PTH2R: variants seen among roughly 807,000 people sequenced by gnomAD.
The protein encoded by PTH2R is PTH2 receptor.
A neutral mutation model predicts 60.3 loss-of-function variants in PTH2R; 59 were observed. The observed-to-expected ratio is 0.98, with a 90% CI of 0.79 to 1.22. PTH2R has a LOEUF of 1.22. Among genes scored for constraint, PTH2R ranks in the 50% most tolerant of loss-of-function variants. PTH2R has a pLI of 0.00. For missense variants in PTH2R, 749 were observed against 682.6 expected, an observed-to-expected ratio of 1.10 and a Z score of -1.08; for synonymous variants, 256 against 243.8, an observed-to-expected ratio of 1.05 and a Z score of -0.47.
At position 208,448,133 on chromosome 2, in the gene PTH2R, A is replaced by T. The variant is rs150775864; in HGVS notation, c.854-2616A>T. ...AATCAGGAAACAGTCCCACACTCCC[A>T]TTTTATTCCCTTTGTAAAATATCTT... On this transcript the variant is annotated intron_variant, in intron 7 of 12. Transcript: ENST00000272847. Among the ~76,000 whole-genome samples, 240 of 152,182 alleles carry T rather than the reference A, an allele frequency of 1.6e-3. 1 individual carries two copies. Among genetic ancestry groups the T allele is most frequent in the African/African-American group, 5.4e-3 (223 of 41,508 alleles).
At chr2:208,371,119 G>A (rs1214147028) in intron 1 of PTH2R, among the ~76,000 whole-genome samples, 1 of 152,040 alleles carries the variant, frequency 6.6e-6, no homozygotes, top group Admixed American at 6.6e-5. Flanking sequence ...ACACTTCCCA[G>A]TAGGCCCCAC....
chr2:208,453,394 A>G (rs1702447203), intron 8 of PTH2R, among the ~76,000 whole-genome samples: 1 of 152,166 alleles, frequency 6.6e-6, no homozygotes, highest in Admixed American at 6.5e-5. Context: ...TTTGAAATCT[A>G]CTATTCTACC....
chr2:208,363,006 T>C (rs535917087), intron 1 of PTH2R, among the ~76,000 whole-genome samples: 3 of 152,152 alleles, frequency 2.0e-5, no homozygotes, highest in Admixed American at 6.5e-5. Context: ...TCTATTCAAG[T>C]CTTTTGTCTA....
intron 2 of PTH2R, among the ~76,000 whole-genome samples, chr2:208,431,304 CTCT>C (rs1701966856): frequency 6.6e-6 from 1 of 152,088 alleles, no homozygotes; most frequent in Admixed American, 6.6e-5. Context: ...TCTTTCAAAT[CTCT>C]TCTTTTTTTC....
chr2:208,451,142 C>G (rs1344795429), intron 8 of PTH2R, among the ~76,000 whole-genome samples: 1 of 152,140 alleles, frequency 6.6e-6, no homozygotes, highest in Non-Finnish European at 1.5e-5. Context: ...AAGAACTACA[C>G]TACCTGATTC....
intron 1 of PTH2R, among the ~76,000 whole-genome samples, chr2:208,363,144 C>T (rs1262972555): frequency 2.0e-5 from 3 of 151,968 alleles, no homozygotes; most frequent in Non-Finnish European, 4.4e-5. Flanking sequence ...GAGCATAGTA[C>T]CTGATAGGTA....
In PTH2R at chr2:208,437,819, A is replaced by G; in HGVS notation, c.349A>G (p.Lys117Glu). 6.2e-7 allele frequency: 1 copy of G among 1,613,920 alleles called. No individual in the cohort carries two copies. Among genetic ancestry groups the G allele is most frequent in the Non-Finnish European group, 8.5e-7 (1 of 1,179,800 alleles). ...GTWDFMHSLN[K>E]TWANYSDCLR... is the part of the protein sequence containing the mutation. ...ATGGGATTTTATGCACAGCTTAAAT[A>G]AAACATGGGCCAATTATTCAGACTG... Residue 117 changes from lysine (K) to glutamate (E), a missense_variant, in exon 4 of 13, where the codon AAA becomes GAA. Coordinates refer to ENST00000272847, the MANE Select transcript of PTH2R (RefSeq NM_005048.4).
chr2:208,424,648 A>G (rs772021345), intron 1 of PTH2R, among the ~76,000 whole-genome samples: 9 of 152,162 alleles, frequency 5.9e-5, no homozygotes, highest in Non-Finnish European at 1.2e-4. Flanking sequence ...ATGGTCTCAC[A>G]TTGGGAAGAA....
intron 10 of PTH2R, among the ~76,000 whole-genome samples, chr2:208,485,295 G>A (rs1433233740): frequency 6.6e-6 from 1 of 152,128 alleles, no homozygotes; most frequent in Non-Finnish European, 1.5e-5. Context: ...AAAACCACCT[G>A]ACTTCTTTGC....
intron 8 of PTH2R, among the ~76,000 whole-genome samples, chr2:208,455,152 C>T (rs1433451002): frequency 6.6e-6 from 1 of 152,176 alleles, no homozygotes; most frequent in South Asian, 2.1e-4. Flanking sequence ...TTGCTATATA[C>T]ACACAGTGAG....
chr2:208,396,037 C>A (rs1235171957), intron 1 of PTH2R, among the ~76,000 whole-genome samples: 3 of 152,044 alleles, frequency 2.0e-5, no homozygotes, highest in Non-Finnish European at 4.4e-5. Context: ...CTTTGACAAA[C>A]CTGACAAAAA....
chr2:208,432,813 G>A (rs1701999591), intron 2 of PTH2R, among the ~76,000 whole-genome samples: 1 of 152,104 alleles, frequency 6.6e-6, no homozygotes, highest in Non-Finnish European at 1.5e-5. Context: ...TCCAGCACAG[G>A]GGAAAGATGA....
At chr2:208,424,870 C>G (rs1413527076) in intron 1 of PTH2R, among the ~76,000 whole-genome samples, 1 of 152,090 alleles carries the variant, frequency 6.6e-6, no homozygotes, top group Non-Finnish European at 1.5e-5. Flanking sequence ...GGGCAGGACA[C>G]AGTTAGGTCC....
chr2:208,442,725 C>G (rs1702211518), intron 5 of PTH2R, among the ~76,000 whole-genome samples: 1 of 152,130 alleles, frequency 6.6e-6, no homozygotes. Flanking sequence ...AGTAAGACAG[C>G]ATCGAATTGA....
At chr2:208,396,988 G>A (rs929401204) in intron 1 of PTH2R, among the ~76,000 whole-genome samples, 8 of 152,130 alleles carry the variant, frequency 5.3e-5, no homozygotes, top group Non-Finnish European at 1.2e-4. Flanking sequence ...AAAAAAGGAT[G>A]AGTTTATGTC....
intron 1 of PTH2R, among the ~76,000 whole-genome samples, chr2:208,375,365 C>T (rs1349964748): frequency 6.6e-6 from 1 of 152,032 alleles, no homozygotes; most frequent in Non-Finnish European, 1.5e-5. Flanking sequence ...GCTCTATTAG[C>T]TAAGGTAGAA....
At chr2:208,492,376 G>T (rs1208368359) in intron 12 of PTH2R, among the ~76,000 whole-genome samples, 1 of 152,194 alleles carries the variant, frequency 6.6e-6, no homozygotes, top group Non-Finnish European at 1.5e-5. Context: ...AGGGGAAAGA[G>T]CTGAGCCCAA....
At position 208,384,950 on chromosome 2, in the gene PTH2R, G is replaced by A. The variant is rs376788231; in HGVS notation, c.-259+24713G>A. On this transcript the variant is annotated intron_variant, in intron 1 of 12. Coordinates refer to the PTH2R transcript ENST00000617735. ...AAGTCATACACAACAAACTGATTCTGTTTCAATGCTTAGAATTAGAATAAA... is the reference window on the plus strand; with the variant it reads ...AAGTCATACACAACAAACTGATTCTATTTCAATGCTTAGAATTAGAATAAA... Among the ~76,000 whole-genome samples the A allele has an allele frequency of 4.0e-4, 61 of 152,214 alleles. 1 individual carries two copies. Among genetic ancestry groups the A allele is most frequent in the East Asian group, 1.4e-3 (7 of 5,184 alleles).
At chr2:208,451,242 G>C (rs1295517939) in intron 8 of PTH2R, among the ~76,000 whole-genome samples, 1 of 152,082 alleles carries the variant, frequency 6.6e-6, no homozygotes, top group Non-Finnish European at 1.5e-5. Flanking sequence ...CCTGCGATAA[G>C]GTAGCACGAA....
Sources: gnomAD v4.1 joint callset for allele counts (sites outside exome capture counted in the v4.1 genomes callset) on GRCh38, gnomAD v4.1.1 for gene constraint, MANE v1.5 for transcripts, NCBI Gene and HGNC (gene_info 2026-07-23, HGNC 2026-07-21) for gene names.